The following HECW1 variants were observed in gnomAD, a reference collection of about 807,000 sequenced individuals.
HECW1 encodes the protein HECT, C2 and WW domain containing E3 ubiquitin protein ligase 1, also known as E3 ubiquitin-protein ligase HECW1.
Under a neutral mutation model 182.3 loss-of-function variants are expected in HECW1, and 61 were observed. The observed-to-expected ratio is 0.33, with a 90% CI of 0.27 to 0.41. The LOEUF (loss-of-function observed/expected upper bound fraction) is 0.41, where lower values mean the gene tolerates loss of function less well. Among genes scored for constraint, HECW1 ranks in the 10% least tolerant of loss-of-function variants. HECW1 has a pLI of 1.00. For synonymous variants in HECW1, 859 were observed against 832.6 expected (o/e 1.03, Z -0.55); for missense variants, 1,739 against 2,108.9 (o/e 0.82, Z 3.44).
chr7:43,272,721 G>A (rs1054915883), intron 3 of HECW1, among the ~76,000 whole-genome samples: 2 of 152,142 alleles, frequency 1.3e-5, no homozygotes, highest in East Asian at 3.9e-4. Flanking sequence ...ACTGCTGGTG[G>A]GAATGTAAAT....
chr7:43,286,297 C>A (rs1804626848), intron 3 of HECW1, among the ~76,000 whole-genome samples: 1 of 152,164 alleles, frequency 6.6e-6, no homozygotes, highest in Non-Finnish European at 1.5e-5. Context: ...ACAGAGCATG[C>A]AGCCCAGTGA....
At chr7:43,357,421 A>G (rs891998831) in intron 5 of HECW1, among the ~76,000 whole-genome samples, 3 of 152,218 alleles carry the variant, frequency 2.0e-5, no homozygotes, top group Admixed American at 2.0e-4. Flanking sequence ...AGTAACATGG[A>G]TGGAACTGGA....
intron 29 of HECW1, among the ~76,000 whole-genome samples, chr7:43,556,962 CT>C (rs2082047987): frequency 6.6e-6 from 1 of 152,092 alleles, no homozygotes; most frequent in Admixed American, 6.5e-5. Flanking sequence ...GAGATGGTTT[CT>C]TGGGGAAGTA....
At chr7:43,163,691 C>A (rs1790794660) in intron 2 of HECW1, among the ~76,000 whole-genome samples, 1 of 152,110 alleles carries the variant, frequency 6.6e-6, no homozygotes, top group Non-Finnish European at 1.5e-5. Context: ...AACTAAGCTC[C>A]CCCAAATGGC....
chr7:43,393,438 G>A (rs2075115809), intron 6 of HECW1, among the ~76,000 whole-genome samples: 1 of 152,210 alleles, frequency 6.6e-6, no homozygotes, highest in South Asian at 2.1e-4. Flanking sequence ...AACGCATCTC[G>A]AGTGAGAAGT....
chr7:43,281,152 G>T (rs1360211526), intron 3 of HECW1, among the ~76,000 whole-genome samples: 1 of 152,112 alleles, frequency 6.6e-6, no homozygotes, highest in Admixed American at 6.6e-5. Flanking sequence ...CAAGCAAGTG[G>T]CAAAGAGCAC....
At chr7:43,474,451 AAAATAAAT>A (rs571183399) in intron 16 of HECW1, among the ~76,000 whole-genome samples, 1 of 152,142 alleles carries the variant, frequency 6.6e-6, no homozygotes, top group Admixed American at 6.5e-5. Context: ...TCTGTCTCAA[AAAATAAAT>A]AAATAAATAA....
chr7:43,303,578 C>T (rs900750921), intron 3 of HECW1, among the ~76,000 whole-genome samples: 2 of 152,180 alleles, frequency 1.3e-5, no homozygotes, highest in African/African-American at 2.4e-5. Flanking sequence ...TGTTCCCTTT[C>T]AGCCAGCAAT....
chr7:43,345,413 T>A (rs1813550991), intron 5 of HECW1, among the ~76,000 whole-genome samples: 1 of 152,200 alleles, frequency 6.6e-6, no homozygotes, highest in Admixed American at 6.5e-5. Context: ...CTTTTATGGT[T>A]TTTTATTTTT....
intron 3 of HECW1, among the ~76,000 whole-genome samples, chr7:43,251,611 T>TG (rs1800038864): frequency 6.6e-6 from 1 of 152,186 alleles, no homozygotes. Flanking sequence ...CCACCATGCC[T>TG]GGCCACAAAA....
chr7:43,148,135 G>C (rs908346270), intron 2 of HECW1, among the ~76,000 whole-genome samples: 1 of 152,184 alleles, frequency 6.6e-6, no homozygotes, highest in Non-Finnish European at 1.5e-5. Context: ...GTGAAGGAAG[G>C]GGGCAGAAAG....
At chr7:43,488,396 AAG>A (rs1563045301) in intron 17 of HECW1, among the ~76,000 whole-genome samples, 63 of 82,752 alleles carry the variant, frequency 7.6e-4, no homozygotes, top group African/African-American at 1.9e-3. Context: ...GGAAGGAAGG[AAG>A]GAAATGAAAG....
chr7:43,417,018 G>A (rs537177255), intron 8 of HECW1, among the ~76,000 whole-genome samples: 45 of 152,298 alleles, frequency 3.0e-4, no homozygotes, highest in African/African-American at 9.4e-4. Context: ...GCTGTAGACC[G>A]GAGCTGTTCC....
At chr7:43,179,706 T>G (rs1483218708) in intron 2 of HECW1, among the ~76,000 whole-genome samples, 1 of 152,202 alleles carries the variant, frequency 6.6e-6, no homozygotes, top group Non-Finnish European at 1.5e-5. Flanking sequence ...TATTAAATAC[T>G]GCAGCATAGA....
intron 2 of HECW1, among the ~76,000 whole-genome samples, chr7:43,185,155 G>A (rs776798077): frequency 6.6e-6 from 1 of 152,028 alleles, no homozygotes; most frequent in East Asian, 1.9e-4. Context: ...AGGGATGGTG[G>A]GGGGGAAGGG....
chr7:43,361,041 T>A, intron 6 of HECW1, 61 bp downstream of exon 6: 2 of 1,200,248 alleles, frequency 1.7e-6, no homozygotes, highest in Non-Finnish European at 2.4e-6. Flanking sequence ...ACTTTCCTAT[T>A]TTGTTCTTGT....
At chr7:43,368,229 A>G (rs78572372) in intron 6 of HECW1, among the ~76,000 whole-genome samples, 4,408 of 152,272 alleles carry the variant, frequency 0.029, 230 homozygotes, top group African/African-American at 0.1. Context: ...GCACTATTCC[A>G]TGCCTCTGGA....
rs566972882 is a variant in HECW1, at chr7:43,340,931, T to G, written c.461-19955T>G. Reference sequence around the variant, plus strand: ...ACCCAAATGTCCATCAATGATAGAGTGGATTAAGAAAATGTGGCACATATA... The same window carrying G: ...ACCCAAATGTCCATCAATGATAGAGGGGATTAAGAAAATGTGGCACATATA... On this transcript the variant is annotated intron_variant, in intron 5 of 29. Coordinates refer to ENST00000395891, the MANE Select transcript of HECW1 (RefSeq NM_015052.5). Among the ~76,000 whole-genome samples, 5 of 151,378 alleles carry G rather than the reference T, an allele frequency of 3.3e-5. No individual in the cohort carries two copies. In the East Asian group the frequency reaches 9.7e-4, roughly 29 times the overall value.
At chr7:43,470,940 T>C (rs1456300649) in intron 16 of HECW1, among the ~76,000 whole-genome samples, 1 of 152,244 alleles carries the variant, frequency 6.6e-6, no homozygotes, top group Non-Finnish European at 1.5e-5. Context: ...GAAAAATACA[T>C]GGACTAGTCC....
Sources: gnomAD v4.1 joint callset for allele counts (sites outside exome capture counted in the v4.1 genomes callset) on GRCh38, gnomAD v4.1.1 for gene constraint, MANE v1.5 for transcripts, NCBI Gene and HGNC (gene_info 2026-07-23, HGNC 2026-07-21) for gene names.